The following CRTC3 variants were observed in gnomAD, a reference collection of about 807,000 sequenced individuals.
The protein encoded by CRTC3 is CREB-regulated transcription coactivator 3.
In CRTC3, 26 loss-of-function variants were observed where a neutral mutation model predicts 74.5. The observed-to-expected ratio is 0.35, with a 90% confidence interval of 0.26 to 0.48. The LOEUF (loss-of-function observed/expected upper bound fraction) is 0.48. Ranked by LOEUF, CRTC3 falls within the 20% of genes least tolerant of loss-of-function variation. The probability of loss-of-function intolerance (pLI) is 0.99; values close to 1 mark genes in which losing one functional copy is unlikely to be tolerated. For missense variants in CRTC3, 760 were observed against 787.3 expected (o/e 0.97, Z 0.41); for synonymous variants, 377 against 325.8 (o/e 1.16, Z -1.69).
At chr15:90,606,032 A>C (rs769715837) in intron 5 of CRTC3, among the ~76,000 whole-genome samples, 1 of 148,988 alleles carries the variant, frequency 6.7e-6, no homozygotes, top group Non-Finnish European at 1.5e-5. Flanking sequence ...AAGGCGGGCG[A>C]ATCACCTGAG....
chr15:90,546,848 C>T (rs1038122544), intron 2 of CRTC3, among the ~76,000 whole-genome samples: 1 of 152,214 alleles, frequency 6.6e-6, no homozygotes, highest in Non-Finnish European at 1.5e-5. Flanking sequence ...TGGTCTCGAT[C>T]TCCTGACCTC....
At chr15:90,602,265 T>G (rs1470615080) in intron 3 of CRTC3, 59 bp from the exon 4 acceptor site, 7 of 1,035,680 alleles carry the variant, frequency 6.8e-6, no homozygotes, top group African/African-American at 1.6e-5. Flanking sequence ...TGAGTCCACC[T>G]TGTTAATTCT....
intron 3 of CRTC3, among the ~76,000 whole-genome samples, chr15:90,600,014 G>A (rs760618117): frequency 1.8e-4 from 27 of 152,120 alleles, no homozygotes; most frequent in Non-Finnish European, 4.0e-4. Flanking sequence ...TGTCTGTCAC[G>A]GGCCTTACTA....
At chr15:90,616,138 A>G (rs1968489552) in intron 7 of CRTC3, among the ~76,000 whole-genome samples, 1 of 152,134 alleles carries the variant, frequency 6.6e-6, no homozygotes, top group African/African-American at 2.4e-5. Flanking sequence ...AAGAAAAGAG[A>G]ATCAACAAGG....
intron 10 of CRTC3, among the ~76,000 whole-genome samples, chr15:90,627,661 G>T (rs557253760): frequency 2.0e-5 from 3 of 149,016 alleles, no homozygotes; most frequent in South Asian, 4.3e-4. Context: ...TTGCTGTGTC[G>T]CCCAGGCTGG....
At chr15:90,632,407 G>A (rs1215198333) in intron 11 of CRTC3, among the ~76,000 whole-genome samples, 1 of 152,028 alleles carries the variant, frequency 6.6e-6, no homozygotes, top group Non-Finnish European at 1.5e-5. Flanking sequence ...ACCAGCCTTG[G>A]CAACATAGTG....
Position 90,619,727 on chromosome 15 carries a change from T to C in CRTC3, c.700-14T>C, listed in dbSNP as rs1477264089. 18 of 1,613,168 alleles carry C rather than the reference T, an allele frequency of 1.1e-5. No individual in the cohort carries two copies. The highest frequency in any genetic ancestry group is 4.0e-5 in the African/African-American group (3 of 74,904). ...TTACAGCGAGTAAGCCCAGCTTTCA[T>C]TGTCTCTTCTCAGATTCAGTCCCTG... On this transcript the variant is annotated splice_polypyrimidine_tract_variant and intron_variant, in intron 8 of 14. Coordinates refer to ENST00000268184, the MANE Select transcript of CRTC3 (RefSeq NM_022769.5).
intron 11 of CRTC3, among the ~76,000 whole-genome samples, chr15:90,637,198 T>C (rs563467641): frequency 6.6e-6 from 1 of 152,326 alleles, no homozygotes; most frequent in East Asian, 1.9e-4. Flanking sequence ...ATGTGGCACA[T>C]ATACACCATG....
At chr15:90,612,025 C>CCCTCCTCCTCCTCCT (rs1270789098) in intron 6 of CRTC3, among the ~76,000 whole-genome samples, 1 of 76,550 alleles carries the variant, frequency 1.3e-5, no homozygotes, top group Non-Finnish European at 2.8e-5. Flanking sequence ...AACCACCCCC[C>CCCTCCTCCTCCTCCT]ACTCCTCCTC....
At chr15:90,631,775 T>TC (rs1178091882) in intron 11 of CRTC3, among the ~76,000 whole-genome samples, 1 of 149,286 alleles carries the variant, frequency 6.7e-6, no homozygotes. Flanking sequence ...AGAAATAGGG[T>TC]CTCCCTATGT....
At chr15:90,599,238 C>T (rs576671187) in intron 3 of CRTC3, 3 of 152,188 alleles carry the variant, frequency 2.0e-5, no homozygotes, top group South Asian at 2.1e-4. Context: ...TGGAAATCTT[C>T]CTTGAGCCAA....
intron 10 of CRTC3, among the ~76,000 whole-genome samples, chr15:90,628,096 A>G (rs1049689375): frequency 6.6e-6 from 1 of 151,356 alleles, no homozygotes; most frequent in Non-Finnish European, 1.5e-5. Context: ...ACATGCCTGT[A>G]GTCCCAGCTA....
chr15:90,533,323 C>T (rs1012115670), intron 1 of CRTC3, among the ~76,000 whole-genome samples: 2 of 145,902 alleles, frequency 1.4e-5, no homozygotes, highest in African/African-American at 2.5e-5. Context: ...AGGGAGGCTG[C>T]GGCAGGAGAA....
Position 90,643,619 on chromosome 15 carries a change from G to A in CRTC3, c.*1479G>A, listed in dbSNP as rs1596159686. On this transcript the variant is annotated 3_prime_UTR_variant, in exon 15 of 15. Transcript: ENST00000268184. ...GGCCTAATTCATGGAAGCATCATTAGTCATCAATACCTTCTCATAAAATAG... is the reference window on the plus strand; with the variant it reads ...GGCCTAATTCATGGAAGCATCATTAATCATCAATACCTTCTCATAAAATAG... 4.4e-6 allele frequency: 1 copy of A among 229,176 alleles called. No homozygotes were observed. The highest frequency in any genetic ancestry group is 2.3e-5 in the African/African-American group (1 of 43,642). The allele number at this position is 229,176 out of a possible 1,614,324, so 14.2% of individuals were successfully genotyped here.
At position 90,530,178 on chromosome 15, in the gene CRTC3, T is replaced by A; in HGVS notation, c.107T>A (p.Leu36His). 7.3e-7 allele frequency: 1 copy of A among 1,375,338 alleles called. No homozygotes were observed. Among genetic ancestry groups the A allele is most frequent in the Non-Finnish European group, 9.6e-7 (1 of 1,042,372 alleles). The allele number at this position is 1,375,338 out of a possible 1,614,324, so 85.2% of individuals were successfully genotyped here. Residue 36 changes from leucine (L) to histidine (H), a missense_variant, in exon 1 of 15, where the codon CTC becomes CAC. Coordinates refer to ENST00000268184, the MANE Select transcript of CRTC3 (RefSeq NM_022769.5). This position sits in a 1 kb window ranked among gnomAD's most constrained non-coding sequence, Gnocchi z 6.2. ...GAGGAGACGCGGGCCTTCGAGCAGC[T>A]CATGACCGACCTCACCCTGTCGCGG... ...QAEETRAFEQ[L>H]MTDLTLSRVQ...
intron 2 of CRTC3, among the ~76,000 whole-genome samples, chr15:90,545,067 C>T (rs1966842036): frequency 6.6e-6 from 1 of 152,192 alleles, no homozygotes; most frequent in African/African-American, 2.4e-5. Context: ...TTTGACTATT[C>T]TAAGTGCCTC....
chr15:90,608,898 G>C (rs1459500043), intron 6 of CRTC3, among the ~76,000 whole-genome samples: 1 of 152,164 alleles, frequency 6.6e-6, no homozygotes. Flanking sequence ...AAGAACAATG[G>C]TCTTGAATTA....
At chr15:90,584,237 CTTTTT>C (rs11355776) in intron 2 of CRTC3, among the ~76,000 whole-genome samples, 2 of 116,694 alleles carry the variant, frequency 1.7e-5, no homozygotes, top group South Asian at 2.9e-4. Context: ...TTCACCAACG[CTTTTT>C]TTTTTTTTTT....
chr15:90,619,660 A>T, intron 8 of CRTC3, 81 bp from the exon 9 acceptor site: 1 of 1,160,024 alleles, frequency 8.6e-7, no homozygotes, highest in Non-Finnish European at 1.3e-6. Flanking sequence ...CTAGAGCCTC[A>T]AGGTCCTTAC....
Sources: allele counts gnomAD v4.1 joint callset (sites outside exome capture counted in the v4.1 genomes callset), GRCh38; gene constraint gnomAD v4.1.1; non-coding constraint Gnocchi (gnomAD v3.1); transcripts MANE v1.5; gene names NCBI Gene and HGNC (gene_info 2026-07-23, HGNC 2026-07-21).